ELOVL6: variants seen among roughly 807,000 people sequenced by gnomAD.
The protein encoded by ELOVL6 is ELOVL fatty acid elongase 6.
A neutral mutation model predicts 31.7 loss-of-function variants in ELOVL6; 8 were observed. The ratio of observed to expected loss-of-function variants is 0.25; its 90% CI spans 0.15 to 0.45. The LOEUF is 0.45. Ranked by LOEUF, ELOVL6 falls within the 20% of genes least tolerant of loss-of-function variation. The probability of loss-of-function intolerance (pLI) is 1.00; values close to 1 mark genes in which losing one functional copy is unlikely to be tolerated. For synonymous variants in ELOVL6, 101 were observed against 117.7 expected (o/e 0.86, Z 0.92); for missense variants, 126 against 326.4 (o/e 0.39, Z 4.73).
At chr4:110,071,205 C>G (rs1020644648) in intron 2 of ELOVL6, among the ~76,000 whole-genome samples, 1 of 152,200 alleles carries the variant, frequency 6.6e-6, no homozygotes, top group African/African-American at 2.4e-5. Flanking sequence ...CCTTTGGGTT[C>G]ATTAACCTAA....
chr4:110,169,344 T>C (rs780900363), intron 1 of ELOVL6, among the ~76,000 whole-genome samples: 10 of 151,664 alleles, frequency 6.6e-5, no homozygotes, highest in Non-Finnish European at 1.3e-4. Flanking sequence ...GTTCAAGTGA[T>C]TCTCCTGCCT....
intron 1 of ELOVL6, among the ~76,000 whole-genome samples, chr4:110,118,327 G>A (rs114171805): frequency 1.5e-3 from 226 of 152,116 alleles, no homozygotes; most frequent in African/African-American, 5.2e-3. Flanking sequence ...ACTCCACACA[G>A]AATTCAAATT....
chr4:110,155,856 G>A (rs1373446233), intron 1 of ELOVL6, among the ~76,000 whole-genome samples: 2 of 152,148 alleles, frequency 1.3e-5, no homozygotes, highest in African/African-American at 4.8e-5. Context: ...CTCAGCACTG[G>A]TGATTATAAA....
intron 1 of ELOVL6, among the ~76,000 whole-genome samples, chr4:110,177,816 T>C (rs1241224667): frequency 6.6e-6 from 1 of 152,230 alleles, no homozygotes; most frequent in Non-Finnish European, 1.5e-5. Context: ...GTTCTGTTAC[T>C]TGCAGTTGAA....
At chr4:110,125,413 T>G (rs570301064) in intron 1 of ELOVL6, among the ~76,000 whole-genome samples, 1 of 152,316 alleles carries the variant, frequency 6.6e-6, no homozygotes, top group East Asian at 1.9e-4. Flanking sequence ...TAGAACTCAG[T>G]GGCTCTATGA....
In ELOVL6 at chr4:110,048,555, G is replaced by A. The variant is rs906778796; in HGVS notation, c.*2783C>T. The stretch of plus-strand genomic sequence containing the variant: ...TTTCTGGAATGTTAACTGGCAGCAG[G>A]ATTATCTATGCAGCAGTCAATTCTC... On this transcript the variant is annotated 3_prime_UTR_variant, in exon 4 of 4. Transcript: ENST00000302274. 1.3e-5 allele frequency: 2 copies of A among 152,118 alleles called. No homozygotes were observed. The highest frequency in any genetic ancestry group is 4.2e-4 in the South Asian group (2 of 4,818). The allele number at this position is 152,118 out of a possible 1,614,324, so 9.4% of individuals were successfully genotyped here. A position where few individuals can be genotyped will look rare whatever the true frequency, so the allele number is the denominator to read the frequency against.
At chr4:110,192,500 T>A (rs1335263782) in intron 1 of ELOVL6, among the ~76,000 whole-genome samples, 2 of 152,266 alleles carry the variant, frequency 1.3e-5, no homozygotes, top group East Asian at 3.9e-4. Context: ...CCTCTGAAGA[T>A]CACAAAATTT....
chr4:110,173,851 A>G (rs1336564476), intron 1 of ELOVL6, among the ~76,000 whole-genome samples: 3 of 151,732 alleles, frequency 2.0e-5, no homozygotes, highest in African/African-American at 7.3e-5. Context: ...GGTTGGGAGG[A>G]GGGAGAGGAG....
chr4:110,081,684 C>G (rs1014145715), intron 2 of ELOVL6, among the ~76,000 whole-genome samples: 2 of 151,060 alleles, frequency 1.3e-5, no homozygotes, highest in Admixed American at 6.6e-5. Context: ...TAGGCATGGG[C>G]AAGGACTTCA....
chr4:110,072,456 CAG>C (rs1203461049), intron 2 of ELOVL6, among the ~76,000 whole-genome samples: 2 of 152,142 alleles, frequency 1.3e-5, no homozygotes, highest in Non-Finnish European at 2.9e-5. Flanking sequence ...AGCCTGGTGA[CAG>C]AGAGAGACTC....
intron 2 of ELOVL6, among the ~76,000 whole-genome samples, chr4:110,067,651 C>T (rs976477882): frequency 6.6e-6 from 1 of 152,144 alleles, no homozygotes; most frequent in South Asian, 2.1e-4. Flanking sequence ...AATGTACCAA[C>T]GATCTCTGCA....
intron 1 of ELOVL6, among the ~76,000 whole-genome samples, chr4:110,132,838 T>TA (rs983604556): frequency 1.8e-3 from 256 of 145,266 alleles, no homozygotes; most frequent in African/African-American, 4.8e-3. Context: ...AGACTGTCTT[T>TA]AAAAAAAAAA....
At chr4:110,084,563 G>GATATATATATATATATAT (rs1553956219) in intron 2 of ELOVL6, among the ~76,000 whole-genome samples, 1 of 44,554 alleles carries the variant, frequency 2.2e-5, no homozygotes, top group Non-Finnish European at 3.4e-5. Flanking sequence ...CACACACACA[G>GATATATATATATATATAT]ATATATATAT....
chr4:110,167,383 C>T (rs570726234), intron 1 of ELOVL6, among the ~76,000 whole-genome samples: 1 of 152,240 alleles, frequency 6.6e-6, no homozygotes, highest in Admixed American at 6.5e-5. Context: ...ATTATACATG[C>T]TGTTTCATAA....
chr4:110,094,438 T>TATATAAATAA (rs1553957094), intron 2 of ELOVL6, among the ~76,000 whole-genome samples: 1 of 55,354 alleles, frequency 1.8e-5, no homozygotes, highest in East Asian at 6.1e-4. Flanking sequence ...TATATATATA[T>TATATAAATAA]ATATAATATA....
intron 2 of ELOVL6, among the ~76,000 whole-genome samples, chr4:110,065,436 G>C (rs1560803400): frequency 6.6e-6 from 1 of 152,160 alleles, no homozygotes. Context: ...AAGCCAGCCT[G>C]GGCAATATGG....
intron 1 of ELOVL6, among the ~76,000 whole-genome samples, chr4:110,162,584 TC>T (rs5861000): frequency 0.84 from 128,087 of 152,046 alleles, 54,382 homozygotes; most frequent in African/African-American, 0.95. Context: ...GCTCATGCAA[TC>T]CCACCCACCT....
chr4:110,089,916 C>T (rs1211502344), intron 2 of ELOVL6, among the ~76,000 whole-genome samples: 1 of 152,180 alleles, frequency 6.6e-6, no homozygotes, highest in Non-Finnish European at 1.5e-5. Flanking sequence ...ATCCAGAGGG[C>T]ACATACCTCT....
intron 1 of ELOVL6, among the ~76,000 whole-genome samples, chr4:110,127,418 A>AAAAAAAG (rs1553959427): frequency 6.6e-6 from 1 of 150,860 alleles, no homozygotes; most frequent in Admixed American, 6.6e-5. Context: ...AAAAAAAAAA[A>AAAAAAAG]AAAAAAAGAA....
Sources: allele counts gnomAD v4.1 joint callset (sites outside exome capture counted in the v4.1 genomes callset), GRCh38; gene constraint gnomAD v4.1.1; transcripts MANE v1.5; gene names NCBI Gene and HGNC (gene_info 2026-07-23, HGNC 2026-07-21).